The following KAT2B variants were observed in gnomAD, a reference collection of about 807,000 sequenced individuals.
KAT2B encodes the protein lysine acetyltransferase 2B, also known as histone acetyltransferase KAT2B.
A neutral mutation model predicts 105.9 loss-of-function variants in KAT2B; 36 were observed. The observed-to-expected ratio is 0.34, with a 90% confidence interval of 0.26 to 0.45. The LOEUF (loss-of-function observed/expected upper bound fraction) is 0.45. Ranked by LOEUF, KAT2B falls within the 20% of genes least tolerant of loss-of-function variation. The probability of loss-of-function intolerance (pLI) is 1.00; values close to 1 mark genes in which losing one functional copy is unlikely to be tolerated. For missense variants in KAT2B, 820 were observed against 1,021.6 expected (o/e 0.80, Z 2.69); for synonymous variants, 397 against 377.9 (o/e 1.05, Z -0.59).
At chr3:20,078,539 A>G (rs933447240) in intron 2 of KAT2B, among the ~76,000 whole-genome samples, 1 of 145,730 alleles carries the variant, frequency 6.9e-6, no homozygotes, top group Non-Finnish European at 1.5e-5. Flanking sequence ...TGCCCAGCTA[A>G]TTTTTTTTTT....
chr3:20,089,991 C>CA lies in KAT2B; in HGVS notation c.431-5269dup, dbSNP rs1419184935. On this transcript the variant is annotated intron_variant, in intron 2 of 17. Coordinates refer to ENST00000263754, the MANE Select transcript of KAT2B (RefSeq NM_003884.5). ...GAAGCCATCTCTATTAAAAAACAAACAAACAAAAAAACAAAACAAGAAAAA... is the reference window on the plus strand; with the variant it reads ...GAAGCCATCTCTATTAAAAAACAAACAAAACAAAAAAACAAAACAAGAAAAA... Among the ~76,000 whole-genome samples the CA allele has an allele frequency of 2.3e-4, 32 of 140,100 alleles. 1 individual carries two copies. The highest frequency in any genetic ancestry group is 4.6e-4 in the South Asian group (2 of 4,322). 91.9% of individuals were successfully genotyped at this position (140,100 alleles called of 152,430 possible). A position where few individuals can be genotyped will look rare whatever the true frequency, so the allele number is the denominator to read the frequency against.
chr3:20,062,078 A>T (rs868057692), intron 1 of KAT2B, among the ~76,000 whole-genome samples: 1 of 91,068 alleles, frequency 1.1e-5, no homozygotes, highest in Admixed American at 1.8e-4. Flanking sequence ...TAAAACATAT[A>T]ATATATATTA....
chr3:20,141,373 A>T (rs969109503), intron 13 of KAT2B, among the ~76,000 whole-genome samples: 1 of 152,156 alleles, frequency 6.6e-6, no homozygotes, highest in Admixed American at 6.5e-5. Context: ...AAGGCAGAAA[A>T]AAAAAACACT....
chr3:20,062,530 C>T lies in KAT2B; in HGVS notation c.304-9803C>T, dbSNP rs182299894. Among the ~76,000 whole-genome samples the T allele has an allele frequency of 2.4e-3, 351 of 147,020 alleles. 1 individual carries two copies. Among genetic ancestry groups the T allele is most frequent in the African/African-American group, 8.4e-3 (335 of 39,754 alleles). On this transcript the variant is annotated intron_variant, in intron 1 of 17. Coordinates refer to ENST00000263754, the MANE Select transcript of KAT2B (RefSeq NM_003884.5). ...AGGCTGGAGTGCAGTGGCATGATCT[C>T]GGCTCATTGTAACGTCTGCCTCCTG...
chr3:20,093,504 G>T (rs559235694), intron 2 of KAT2B, among the ~76,000 whole-genome samples: 4 of 152,220 alleles, frequency 2.6e-5, no homozygotes, highest in Admixed American at 6.6e-5. Flanking sequence ...TGGTAAGGAG[G>T]GGGGATATAT....
intron 11 of KAT2B, among the ~76,000 whole-genome samples, chr3:20,136,642 T>G (rs1699604459): frequency 6.6e-6 from 1 of 152,228 alleles, no homozygotes. Context: ...AAGTGATCTT[T>G]AAGATTGAGC....
intron 5 of KAT2B, among the ~76,000 whole-genome samples, chr3:20,108,247 A>G (rs1394500440): frequency 6.7e-6 from 1 of 149,220 alleles, no homozygotes; most frequent in Non-Finnish European, 1.5e-5. Flanking sequence ...TAAAAGTAAA[A>G]TTGAAATTGA....
At chr3:20,069,405 C>T (rs892226153) in intron 1 of KAT2B, among the ~76,000 whole-genome samples, 5 of 152,244 alleles carry the variant, frequency 3.3e-5, no homozygotes, top group Middle Eastern at 6.8e-3. Context: ...CAAGAGTTGT[C>T]TCCAAGATCA....
chr3:20,122,664 A>T lies in KAT2B; in HGVS notation c.1277-4A>T. 1 of 1,612,208 alleles carries T rather than the reference A, an allele frequency of 6.2e-7. No individual in the cohort carries two copies. Among genetic ancestry groups the T allele is most frequent in the Non-Finnish European group, 8.5e-7 (1 of 1,178,734 alleles). On this transcript the variant is annotated splice_polypyrimidine_tract_variant and splice_region_variant and intron_variant, in intron 8 of 17. Coordinates refer to ENST00000263754, the MANE Select transcript of KAT2B (RefSeq NM_003884.5). ...TTGTTTGCCTTTTATTTTGATCATC[A>T]TAGGAGAAAAGAGGAAAATGACTGA...
intron 2 of KAT2B, among the ~76,000 whole-genome samples, chr3:20,080,875 T>G (rs956072124): frequency 6.6e-6 from 1 of 152,236 alleles, no homozygotes; most frequent in Admixed American, 6.5e-5. Flanking sequence ...ATAAAATATA[T>G]TATTTAATGA....
intron 2 of KAT2B, among the ~76,000 whole-genome samples, chr3:20,084,033 T>C (rs1052258535): frequency 2.0e-5 from 3 of 152,132 alleles, no homozygotes; most frequent in Admixed American, 1.3e-4. Flanking sequence ...TCCTCAGAGA[T>C]TGAGTTAGGT....
At chr3:20,088,106 A>G (rs1195829591) in intron 2 of KAT2B, among the ~76,000 whole-genome samples, 3 of 152,144 alleles carry the variant, frequency 2.0e-5, no homozygotes, top group Admixed American at 2.0e-4. Context: ...GCTGAATAGT[A>G]TTTGATTGTG....
chr3:20,072,627 G>GA, intron 2 of KAT2B, among the ~76,000 whole-genome samples, 168 bp downstream of exon 2: 1 of 152,236 alleles, frequency 6.6e-6, no homozygotes, highest in Non-Finnish European at 1.5e-5. Context: ...GGCTTCTCGT[G>GA]AGAGACAAAT....
chr3:20,072,203 T>C, intron 1 of KAT2B, 130 bp from the exon 2 acceptor site: 2 of 905,352 alleles, frequency 2.2e-6, no homozygotes, highest in Non-Finnish European at 3.5e-6. Flanking sequence ...CTCTTGTGTA[T>C]ATGGCAGACG....
intron 1 of KAT2B, 45 bp downstream of exon 1, chr3:20,040,825 C>A (rs1361127494): frequency 2.0e-6 from 3 of 1,530,742 alleles, no homozygotes; most frequent in Admixed American, 2.0e-5. Context: ...GCTAGGGGCC[C>A]AGCCCGCGGG....
chr3:20,108,868 A>G (rs71316249), intron 5 of KAT2B, among the ~76,000 whole-genome samples: 16,950 of 152,226 alleles, frequency 0.11, 1,186 homozygotes, highest in Admixed American at 0.16. Context: ...TAAGCTGTAC[A>G]TTCTTTCTGA....
intron 5 of KAT2B, among the ~76,000 whole-genome samples, chr3:20,106,705 C>T (rs1236015533): frequency 1.3e-5 from 2 of 151,770 alleles, no homozygotes; most frequent in African/African-American, 4.8e-5. Context: ...CCTGTTAAAG[C>T]ACTTTTGGAT....
At chr3:20,073,708 C>CT (rs200187355) in intron 2 of KAT2B, among the ~76,000 whole-genome samples, 62,362 of 151,606 alleles carry the variant, frequency 0.41, 13,075 homozygotes, top group South Asian at 0.49. Context: ...TATAATTTAC[C>CT]TTTTTAAAAA....
At chr3:20,095,179 T>A (rs1357751506) in intron 2 of KAT2B, 84 bp from the exon 3 acceptor site, 10 of 1,130,444 alleles carry the variant, frequency 8.8e-6, no homozygotes, top group Non-Finnish European at 1.0e-5. Context: ...GTAAGACTGA[T>A]GAAAGAGGAC....
Sources: gnomAD v4.1 joint callset for allele counts (sites outside exome capture counted in the v4.1 genomes callset) on GRCh38, gnomAD v4.1.1 for gene constraint, MANE v1.5 for transcripts, NCBI Gene and HGNC (gene_info 2026-07-23, HGNC 2026-07-21) for gene names.